The following SLCO1C1 variants were observed in gnomAD, a reference collection of about 807,000 sequenced individuals.
The protein encoded by SLCO1C1 is OAT-RP-5.
SLCO1C1 carries 70 observed loss-of-function variants against 76.4 expected under a neutral mutation model. That is an observed-to-expected ratio of 0.92 (90% CI 0.76 to 1.12). The LOEUF (loss-of-function observed/expected upper bound fraction) is 1.12, where lower values mean the gene tolerates loss of function less well. Ranked by LOEUF, SLCO1C1 falls within the 50% of genes most tolerant of loss-of-function variation. The pLI, the probability that SLCO1C1 is intolerant of heterozygous loss-of-function variation, is 0.00. For missense variants in SLCO1C1, 912 were observed against 823.8 expected, an observed-to-expected ratio of 1.11 and a Z score of -1.31; for synonymous variants, 306 against 286.1, an observed-to-expected ratio of 1.07 and a Z score of -0.70.
At chr12:20,717,871 G>C (rs976121556) in intron 7 of SLCO1C1, among the ~76,000 whole-genome samples, 30 of 151,522 alleles carry the variant, frequency 2.0e-4, no homozygotes, top group Non-Finnish European at 2.8e-4. Context: ...GATGGCATTT[G>C]TCAGTATTTT....
intron 5 of SLCO1C1, among the ~76,000 whole-genome samples, chr12:20,713,326 G>C (rs985645019): frequency 6.6e-6 from 1 of 151,972 alleles, no homozygotes; most frequent in Non-Finnish European, 1.5e-5. Flanking sequence ...TGATCCGCCC[G>C]CCTCGGCCTC....
In SLCO1C1 at chr12:20,740,236, C is replaced by A. The variant is rs1948740110; in HGVS notation, c.1601C>A (p.Ser534Tyr). ...VGIAASKSGN[S>Y]SGIVGRCQKD... The stretch of plus-strand genomic sequence containing the variant: ...ATTGCAGCTTCTAAATCCGGAAATT[C>A]CTCAGGCATAGTGGGAAGATGTCAG... The change falls in exon 12 of 15, where the codon TCC becomes TAC. Residue 534 changes from serine (S) to tyrosine (Y), a missense_variant. By Grantham distance (144) the Ser-to-Tyr change is moderately radical. Transcript: ENST00000266509. 6.2e-7 allele frequency: 1 copy of A among 1,613,478 alleles called. No individual in the cohort carries two copies. The highest frequency in any genetic ancestry group is 8.5e-7 in the Non-Finnish European group (1 of 1,179,858).
At chr12:20,702,654 A>G (rs549591263) in intron 3 of SLCO1C1, among the ~76,000 whole-genome samples, 4 of 151,870 alleles carry the variant, frequency 2.6e-5, no homozygotes, top group Non-Finnish European at 5.9e-5. Flanking sequence ...CGGATGGTTG[A>G]TTTATTCCTT....
chr12:20,705,054 G>T (rs184528088), intron 3 of SLCO1C1, among the ~76,000 whole-genome samples: 9 of 151,834 alleles, frequency 5.9e-5, no homozygotes, highest in African/African-American at 1.9e-4. Context: ...GCCAAGAATC[G>T]CATTTTTAAC....
At chr12:20,705,255 T>G (rs1451778474) in intron 3 of SLCO1C1, among the ~76,000 whole-genome samples, 1 of 151,970 alleles carries the variant, frequency 6.6e-6, no homozygotes, top group Non-Finnish European at 1.5e-5. Context: ...TTTAAACCAT[T>G]TTTCACAAAA....
chr12:20,703,631 G>A (rs1319318392), intron 3 of SLCO1C1, among the ~76,000 whole-genome samples: 6 of 151,696 alleles, frequency 4.0e-5, no homozygotes, highest in African/African-American at 1.5e-4. Context: ...ATTTTATTTA[G>A]TACTTTTACA....
In SLCO1C1 at chr12:20,701,380, G is replaced by A. The variant is rs758588826; in HGVS notation, c.192G>A (p.Lys64=). 3 of 1,555,704 alleles carry A rather than the reference G, an allele frequency of 1.9e-6. No homozygotes were observed. The highest frequency in any genetic ancestry group is 2.4e-5 in the South Asian group (2 of 84,392). ...FAKALAEGYL[K]STITQIERRF... ...AAGCATTGGCAGAAGGCTATCTGAA[G>A]AGCACCATCACTCAGATAGAGAGAA... Residue 64 remains lysine, a synonymous_variant, in exon 3 of 15, where the codon AAG becomes AAA. Coordinates refer to ENST00000266509, the MANE Select transcript of SLCO1C1 (RefSeq NM_017435.5).
intron 3 of SLCO1C1, among the ~76,000 whole-genome samples, chr12:20,703,429 T>G (rs952595096): frequency 1.3e-5 from 2 of 151,768 alleles, no homozygotes; most frequent in Non-Finnish European, 3.0e-5. Context: ...TGATATTACC[T>G]TATTACATTA....
intron 4 of SLCO1C1, 35 bp from the exon 5 acceptor site, chr12:20,711,351 G>C (rs1251098738): frequency 6.3e-7 from 1 of 1,599,804 alleles, no homozygotes; most frequent in Non-Finnish European, 8.5e-7. Flanking sequence ...TGATGTTAAT[G>C]AGTCTATCAT....
At chr12:20,739,228 T>G (rs1378868727) in intron 11 of SLCO1C1, among the ~76,000 whole-genome samples, 3 of 152,150 alleles carry the variant, frequency 2.0e-5, no homozygotes, top group Non-Finnish European at 4.4e-5. Flanking sequence ...ATTCCCCAGT[T>G]GCATAATAAC....
chr12:20,711,469 C>T lies in SLCO1C1; in HGVS notation c.488C>T (p.Pro163Leu). ...PCLLESSSQL[P>L]VSVMEKSKSK... is the part of the protein sequence containing the mutation. Reference sequence around the variant, plus strand: ...CTCCTAGAGTCAAGCAGTCAATTACCAGTTTCAGTTATGGAAAAATCAAAA... The same window carrying T: ...CTCCTAGAGTCAAGCAGTCAATTACTAGTTTCAGTTATGGAAAAATCAAAA... The change falls in exon 5 of 15, where the codon CCA becomes CTA. Residue 163 changes from proline (P) to leucine (L), a missense_variant. Transcript: ENST00000266509. 6.2e-7 allele frequency: 1 copy of T among 1,613,834 alleles called. No homozygotes were observed. The highest frequency in any genetic ancestry group is 8.5e-7 in the Non-Finnish European group (1 of 1,179,896).
chr12:20,730,861 T>C (rs1948230139), intron 9 of SLCO1C1, among the ~76,000 whole-genome samples: 1 of 152,144 alleles, frequency 6.6e-6, no homozygotes, highest in Non-Finnish European at 1.5e-5. Context: ...CTGAGACACA[T>C]ACTCAAACAC....
At position 20,699,922 on chromosome 12, in the gene SLCO1C1, C is replaced by CCG. The variant is rs200847699; in HGVS notation, c.129+218_129+219insGC. 538 of 390,630 alleles carry CCG rather than the reference C, an allele frequency of 1.4e-3. 6 individuals are homozygous for CCG. Among genetic ancestry groups the CCG allele is most frequent in the African/African-American group, 0.01 (502 of 47,962 alleles). 24.2% of individuals were successfully genotyped at this position (390,630 alleles called of 1,614,324 possible). On this transcript the variant is annotated intron_variant, in intron 2 of 14. Coordinates refer to ENST00000266509, the MANE Select transcript of SLCO1C1 (RefSeq NM_017435.5). ...TTCCTGGGCTCATTTAAATGCCCCC[C>CCG]CAAACAGAAAAGAGAGAAATAGTAG... is the stretch of plus-strand genomic sequence containing the variant.
chr12:20,746,505 TA>T (rs1392554697), intron 13 of SLCO1C1, among the ~76,000 whole-genome samples: 1 of 152,048 alleles, frequency 6.6e-6, no homozygotes, highest in Non-Finnish European at 1.5e-5. Flanking sequence ...CTTGTAACCT[TA>T]AAAATAGCTA....
chr12:20,714,101 T>G (rs1328259766), intron 5 of SLCO1C1, among the ~76,000 whole-genome samples: 1 of 152,194 alleles, frequency 6.6e-6, no homozygotes, highest in African/African-American at 2.4e-5. Context: ...TCCACGTGAG[T>G]GCAAAGGAGT....
Sources: allele counts gnomAD v4.1 joint callset (sites outside exome capture counted in the v4.1 genomes callset), GRCh38; gene constraint gnomAD v4.1.1; transcripts MANE v1.5; gene names NCBI Gene and HGNC (gene_info 2026-07-23, HGNC 2026-07-21).